CDH20: variants seen among roughly 807,000 people sequenced by gnomAD.
The protein encoded by CDH20 is cadherin-20.
A neutral mutation model predicts 74.2 loss-of-function variants in CDH20; 29 were observed. The ratio of observed to expected loss-of-function variants is 0.39; its 90% CI spans 0.29 to 0.53. The LOEUF is 0.53. Among genes scored for constraint, CDH20 ranks in the 20% least tolerant of loss-of-function variants. CDH20 has a pLI of 0.69. For synonymous variants in CDH20, 469 were observed against 405.4 expected (o/e 1.16, Z -1.88); for missense variants, 988 against 1,048.3 (o/e 0.94, Z 0.79).
intron 1 of CDH20, among the ~76,000 whole-genome samples, chr18:61,365,343 ACTGT>A (rs2144143378): frequency 6.6e-6 from 1 of 152,248 alleles, no homozygotes; most frequent in South Asian, 2.1e-4. Context: ...GATTCTGAAA[ACTGT>A]CTGCCTCTAT....
chr18:61,497,572 C>G (rs373009478), intron 2 of CDH20, among the ~76,000 whole-genome samples: 2 of 152,116 alleles, frequency 1.3e-5, no homozygotes, highest in South Asian at 4.1e-4. Context: ...TGCTAATACC[C>G]TTTTCTCTAT....
Position 61,554,389 on chromosome 18 carries a change from C to T in CDH20, c.2100C>T (p.Asp700=). 1.2e-6 allele frequency: 2 copies of T among 1,612,950 alleles called. No homozygotes were observed. The highest frequency in any genetic ancestry group is 1.3e-5 in the African/African-American group (1 of 75,058). The change falls in exon 12 of 12, where the codon GAC becomes GAT. Residue 700 remains aspartate (D), a synonymous_variant. Transcript: ENST00000262717. ...QAGAAPKTRQ[D]MLPEIESLSR... ...GGGCCGCCCCCAAGACGCGGCAGGA[C>T]ATGCTGCCCGAGATCGAGAGCCTCT...
chr18:61,471,535 A>G (rs1282858147), intron 1 of CDH20, among the ~76,000 whole-genome samples: 1 of 152,250 alleles, frequency 6.6e-6, no homozygotes, highest in Admixed American at 6.5e-5. Context: ...CAATAGCAAC[A>G]TGCATTTTTT....
At chr18:61,427,519 G>A (rs1913111841) in intron 1 of CDH20, among the ~76,000 whole-genome samples, 1 of 152,142 alleles carries the variant, frequency 6.6e-6, no homozygotes, top group African/African-American at 2.4e-5. Context: ...TCAAACTTTT[G>A]TCTGAGACTA....
intron 1 of CDH20, among the ~76,000 whole-genome samples, chr18:61,341,784 G>A (rs1283479639): frequency 6.6e-6 from 1 of 152,136 alleles, no homozygotes; most frequent in South Asian, 2.1e-4. Context: ...TAACACTTTT[G>A]TGCTACCATT....
At chr18:61,450,078 G>C (rs66703930) in intron 1 of CDH20, among the ~76,000 whole-genome samples, 20 of 151,976 alleles carry the variant, frequency 1.3e-4, no homozygotes, top group Non-Finnish European at 2.2e-4. Flanking sequence ...AGCAGCAGCA[G>C]CATCCTATTC....
rs145451234 is a variant in CDH20 at position 61,550,172 on chromosome 18, G to T, written c.1843G>T (p.Val615Phe). Residue 615 changes from valine (V) to phenylalanine (F), a missense_variant, in exon 11 of 12, where the codon GTC (valine) becomes TTC (phenylalanine). Transcript: ENST00000262717. ...CAGCCCAGAGGCCTACATGCTCCCA[G>T]TCAGTTTGAGCCGGGGCGCCCTCAT... ...SCSPEAYMLP[V>F]SLSRGALIAI... The T allele has an allele frequency of 4.3e-6, 7 of 1,614,006 alleles. No homozygotes were observed. In the African/African-American group the frequency reaches 9.3e-5, roughly 22 times the overall value.
chr18:61,498,847 G>A (rs975219273), intron 2 of CDH20, among the ~76,000 whole-genome samples: 1 of 152,112 alleles, frequency 6.6e-6, no homozygotes, highest in Non-Finnish European at 1.5e-5. Context: ...TGGAAAGGCA[G>A]GAATCCTCCT....
intron 1 of CDH20, among the ~76,000 whole-genome samples, chr18:61,462,287 C>A (rs1179449504): frequency 2.6e-5 from 4 of 152,022 alleles, no homozygotes; most frequent in African/African-American, 9.7e-5. Context: ...CACCTTGTAC[C>A]CCATAAATAT....
chr18:61,450,709 A>G (rs1164086598), intron 1 of CDH20, among the ~76,000 whole-genome samples: 1 of 152,060 alleles, frequency 6.6e-6, no homozygotes, highest in Non-Finnish European at 1.5e-5. Flanking sequence ...ATAATTTTTT[A>G]CAAAATGAGA....
intron 1 of CDH20, among the ~76,000 whole-genome samples, chr18:61,418,685 A>C (rs1321486535): frequency 6.6e-6 from 1 of 152,110 alleles, no homozygotes; most frequent in Non-Finnish European, 1.5e-5. Context: ...AGGCTATATA[A>C]ATTCTATTCA....
intron 1 of CDH20, among the ~76,000 whole-genome samples, chr18:61,466,344 A>G (rs1479753250): frequency 6.6e-6 from 1 of 152,166 alleles, no homozygotes; most frequent in Non-Finnish European, 1.5e-5. Context: ...AACTTACAAC[A>G]TTTACAATAG....
intron 8 of CDH20, among the ~76,000 whole-genome samples, chr18:61,538,623 T>TG (rs1310404343): frequency 5.7e-5 from 5 of 87,966 alleles, no homozygotes; most frequent in Non-Finnish European, 1.2e-4. Context: ...TGTTTTTGTT[T>TG]TGTTTTTTTT....
chr18:61,440,671 G>A (rs923156668), intron 1 of CDH20, among the ~76,000 whole-genome samples: 15 of 152,268 alleles, frequency 9.9e-5, no homozygotes, highest in Non-Finnish European at 2.2e-4. Context: ...TTGGCTAGGC[G>A]TCTCAACGTC....
chr18:61,339,013 TTTAG>T (rs1281137037), intron 1 of CDH20, among the ~76,000 whole-genome samples: 2 of 152,180 alleles, frequency 1.3e-5, no homozygotes, highest in African/African-American at 2.4e-5. Flanking sequence ...TAATCAAATA[TTTAG>T]TTAAATATTT....
At chr18:61,417,845 T>C (rs1354422497) in intron 1 of CDH20, among the ~76,000 whole-genome samples, 1 of 152,152 alleles carries the variant, frequency 6.6e-6, no homozygotes, top group Non-Finnish European at 1.5e-5. Flanking sequence ...GATAAATACT[T>C]GAGGTGATGG....
chr18:61,553,877 A>G (rs536262686), intron 11 of CDH20, among the ~76,000 whole-genome samples: 87 of 152,272 alleles, frequency 5.7e-4, no homozygotes, highest in African/African-American at 2.0e-3. Flanking sequence ...TGTTAGTGGG[A>G]TTTTAAATTG....
chr18:61,426,029 A>G (rs1280079005), intron 1 of CDH20, among the ~76,000 whole-genome samples: 3 of 152,154 alleles, frequency 2.0e-5, no homozygotes, highest in African/African-American at 7.2e-5. Flanking sequence ...ACAGAAACAC[A>G]ACTGATTTTC....
Position 61,538,608 on chromosome 18 carries a change from G to GTTTTTTTTT in CDH20, c.1409-411_1409-410insTTTTTTTTT, listed in dbSNP as rs1449356386. Among the ~76,000 whole-genome samples the GTTTTTTTTT allele has an allele frequency of 1.6e-3, 57 of 36,318 alleles. 7 individuals carry two copies. Among genetic ancestry groups the GTTTTTTTTT allele is most frequent in the Non-Finnish European group, 2.4e-3 (40 of 16,554 alleles). 23.8% of individuals were successfully genotyped at this position (36,318 alleles called of 152,430 possible). ...TGTTTGTTTGTTTGTTTTTGTTTTT[G>GTTTTTTTTT]TTTTTGTTTTTGTTTTGTTTTTTTT... is the stretch of plus-strand genomic sequence containing the variant. On this transcript the variant is annotated intron_variant, in intron 8 of 11. Transcript: ENST00000262717.
Sources: allele counts gnomAD v4.1 joint callset (sites outside exome capture counted in the v4.1 genomes callset), GRCh38; gene constraint gnomAD v4.1.1; transcripts MANE v1.5; gene names NCBI Gene and HGNC (gene_info 2026-07-23, HGNC 2026-07-21).